NALF1: variants seen among roughly 807,000 people sequenced by gnomAD.
NALF1 encodes NALCN channel auxiliary factor 1.
In NALF1, 3 loss-of-function variants were observed where a neutral mutation model predicts 48.4. The ratio of observed to expected loss-of-function variants is 0.06; its 90% CI spans 0.03 to 0.16. NALF1 has a LOEUF of 0.16. NALF1 is among the 10% of genes least tolerant of loss of function. The pLI is 1.00. For missense variants in NALF1, 526 were observed against 571.5 expected (o/e 0.92, Z 0.81); for synonymous variants, 262 against 245.7 (o/e 1.07, Z -0.62).
In NALF1 at chr13:107,451,651, G is replaced by A. The variant is rs118030440; in HGVS notation, c.916-240896C>T. 5.8e-3 allele frequency among the ~76,000 whole-genome samples: 881 copies of A among 152,108 alleles called. 50 individuals are homozygous for A. In the East Asian group the frequency reaches 0.12, roughly 21 times the overall value. ...GTTCTCTCACTTGTGCTGTATACTC[G>A]AACAGATTTCCCTTTCCCAGAAAAA... On this transcript the variant is annotated intron_variant, in intron 1 of 2. Coordinates refer to ENST00000375915, the MANE Select transcript of NALF1 (RefSeq NM_001080396.3).
intron 1 of NALF1, among the ~76,000 whole-genome samples, chr13:107,314,726 G>A (rs910500530): frequency 6.6e-6 from 1 of 152,096 alleles, no homozygotes; most frequent in African/African-American, 2.4e-5. Context: ...ACCCATTTAT[G>A]TTCCCCATTA....
intron 1 of NALF1, among the ~76,000 whole-genome samples, chr13:107,423,878 G>C (rs186458717): frequency 6.6e-6 from 1 of 151,988 alleles, no homozygotes; most frequent in Admixed American, 6.6e-5. Flanking sequence ...AGAATAATTC[G>C]CCAGGCTGAT....
intron 1 of NALF1, among the ~76,000 whole-genome samples, chr13:107,645,030 T>C (rs1467239288): frequency 1.3e-5 from 2 of 152,180 alleles, no homozygotes; most frequent in East Asian, 1.9e-4. Context: ...TACAATTTAT[T>C]TGGTATTGCC....
intron 1 of NALF1, among the ~76,000 whole-genome samples, chr13:107,299,472 A>AATAATAATAATAATAAT (rs1344151094): frequency 1.3e-4 from 4 of 30,064 alleles, no homozygotes; most frequent in East Asian, 1.9e-3. Context: ...TAATAATAAT[A>AATAATAATAATAATAAT]AATAAATAAA....
intron 1 of NALF1, among the ~76,000 whole-genome samples, chr13:107,584,418 G>C (rs1486421145): frequency 6.6e-6 from 1 of 151,996 alleles, no homozygotes; most frequent in East Asian, 1.9e-4. Flanking sequence ...CTAAATTTTA[G>C]ACTTGAAAAA....
rs977340913 is a variant in NALF1 at position 107,336,771 on chromosome 13, G to A, written c.916-126016C>T. Among the ~76,000 whole-genome samples, 46 of 152,092 alleles carry A rather than the reference G, an allele frequency of 3.0e-4. 1 individual carries two copies. The highest frequency in any genetic ancestry group is 9.6e-4 in the African/African-American group (40 of 41,478). ...ATCTACAGTCTAATTATAAATTTAG[G>A]TTCATAAATGAGTTGATTTGAAGTG... On this transcript the variant is annotated intron_variant, in intron 1 of 2. Transcript: ENST00000375915.
chr13:107,646,789 A>G (rs1004027827), intron 1 of NALF1, among the ~76,000 whole-genome samples: 3 of 152,102 alleles, frequency 2.0e-5, no homozygotes, highest in Non-Finnish European at 4.4e-5. Context: ...TGTCAGTAAA[A>G]TTTATGAGGT....
intron 1 of NALF1, among the ~76,000 whole-genome samples, chr13:107,732,942 A>C (rs1566461416): frequency 6.6e-6 from 1 of 152,170 alleles, no homozygotes; most frequent in Non-Finnish European, 1.5e-5. Flanking sequence ...AATGATTTTA[A>C]GGAAGTTCAG....
rs1471052140 is a variant in NALF1, at chr13:107,643,548, G to A, written c.915+222134C>T. On this transcript the variant is annotated intron_variant, in intron 1 of 2. Transcript: ENST00000375915. ...CCATATACAGTGTATTTGGTGGGGGGGGGGTGAAACGAAATGACAATTTAA... is the reference window on the plus strand; with the variant it reads ...CCATATACAGTGTATTTGGTGGGGGAGGGGTGAAACGAAATGACAATTTAA... Among the ~76,000 whole-genome samples the A allele has an allele frequency of 2.7e-5, 4 of 149,614 alleles. No homozygotes were observed. In the Admixed American group the frequency reaches 2.7e-4, roughly 10 times the overall value.
chr13:107,374,061 T>C (rs1235642900), intron 1 of NALF1, among the ~76,000 whole-genome samples: 2 of 152,240 alleles, frequency 1.3e-5, no homozygotes, highest in Non-Finnish European at 2.9e-5. Context: ...TTCACTTCTC[T>C]GAATTTTCCA....
chr13:107,452,983 T>C (rs985323849), intron 1 of NALF1, among the ~76,000 whole-genome samples: 1 of 152,190 alleles, frequency 6.6e-6, no homozygotes, highest in Non-Finnish European at 1.5e-5. Flanking sequence ...ATGTCTCATA[T>C]CTAGGTCAGG....
chr13:107,182,253 CGTGTGT>C (rs71204818), intron 2 of NALF1, among the ~76,000 whole-genome samples: 3 of 143,758 alleles, frequency 2.1e-5, no homozygotes, highest in African/African-American at 5.2e-5. Context: ...TGTGTGTGTC[CGTGTGT>C]GTGTGTGTGT....
chr13:107,375,466 A>C (rs934862343), intron 1 of NALF1, among the ~76,000 whole-genome samples: 2 of 152,200 alleles, frequency 1.3e-5, no homozygotes, highest in Non-Finnish European at 2.9e-5. Flanking sequence ...TCATTCCAGA[A>C]AGTATCTATC....
chr13:107,390,694 T>C (rs774254084), intron 1 of NALF1, among the ~76,000 whole-genome samples: 2 of 152,056 alleles, frequency 1.3e-5, no homozygotes, highest in Non-Finnish European at 2.9e-5. Flanking sequence ...ACGGCCAACC[T>C]TGGACAATGC....
intron 1 of NALF1, among the ~76,000 whole-genome samples, chr13:107,800,462 G>A (rs1878571087): frequency 6.6e-6 from 1 of 151,252 alleles, no homozygotes. Context: ...ATAAAAATGA[G>A]TCCCTAAACA....
intron 1 of NALF1, among the ~76,000 whole-genome samples, chr13:107,729,266 C>T (rs1870068597): frequency 6.6e-6 from 1 of 152,060 alleles, no homozygotes; most frequent in African/African-American, 2.4e-5. Flanking sequence ...AAATCTAAAA[C>T]ATTTACCATC....
rs1566438392 is a variant in NALF1, at chr13:107,167,208, T to TA, written c.*3288dup. 2.0e-5 allele frequency: 3 copies of TA among 149,934 alleles called. No homozygotes were observed. Among genetic ancestry groups the TA allele is most frequent in the African/African-American group, 7.6e-5 (3 of 39,282 alleles). 9.3% of individuals were successfully genotyped at this position (149,934 alleles called of 1,614,324 possible). ...TTTTCAACTTGCTTGCAGAAATAAT[T>TA]ATTTTAATATTGTAGTTCATTAGCC... On this transcript the variant is annotated 3_prime_UTR_variant, in exon 3 of 3. Transcript: ENST00000375915.
chr13:107,466,633 G>GA (rs1354279569), intron 1 of NALF1: 1 of 152,164 alleles, frequency 6.6e-6, no homozygotes, highest in African/African-American at 2.4e-5. Context: ...ACAGCATATG[G>GA]AAATCTTATA....
chr13:107,670,775 G>GT (rs1880971531), intron 1 of NALF1, among the ~76,000 whole-genome samples: 1 of 152,076 alleles, frequency 6.6e-6, no homozygotes, highest in Non-Finnish European at 1.5e-5. Context: ...ACCCTAAGAC[G>GT]TTTTCTGAAA....
Sources: gnomAD v4.1 joint callset for allele counts (sites outside exome capture counted in the v4.1 genomes callset) on GRCh38, gnomAD v4.1.1 for gene constraint, MANE v1.5 for transcripts, NCBI Gene and HGNC (gene_info 2026-07-23, HGNC 2026-07-21) for gene names.